The following LARP1 variants were observed in gnomAD, a reference collection of about 807,000 sequenced individuals.
LARP1 encodes La ribonucleoprotein 1, translational regulator.
A neutral mutation model predicts 122.7 loss-of-function variants in LARP1; 36 were observed. That is an observed-to-expected ratio of 0.29 (90% CI 0.22 to 0.39). The LOEUF is 0.39. LARP1 is among the 10% of genes least tolerant of loss of function. LARP1 has a pLI of 1.00. For missense variants in LARP1, 1,040 were observed against 1,403.6 expected, an observed-to-expected ratio of 0.74 and a Z score of 4.14; for synonymous variants, 539 against 528.7, an observed-to-expected ratio of 1.02 and a Z score of -0.27.
chr5:154,798,501 A>G (rs1245354146), intron 8 of LARP1, among the ~76,000 whole-genome samples: 1 of 152,128 alleles, frequency 6.6e-6, no homozygotes, highest in African/African-American at 2.4e-5. Flanking sequence ...TGTTTTTTCA[A>G]CTGCTGCTCC....
intron 1 of LARP1, among the ~76,000 whole-genome samples, chr5:154,725,852 T>C (rs116764959): frequency 0.031 from 4,682 of 152,186 alleles, 108 homozygotes; most frequent in Non-Finnish European, 0.045. Context: ...TCTTCTTCTT[T>C]TTTTTTGAGT....
intron 1 of LARP1, among the ~76,000 whole-genome samples, chr5:154,772,628 T>C (rs1441526426): frequency 6.6e-6 from 1 of 152,238 alleles, no homozygotes; most frequent in African/African-American, 2.4e-5. Context: ...ATACAACAAT[T>C]ATAACAATAT....
chr5:154,741,486 T>C (rs895754229), intron 1 of LARP1, among the ~76,000 whole-genome samples: 3 of 151,978 alleles, frequency 2.0e-5, no homozygotes, highest in African/African-American at 7.3e-5. Context: ...ATGGAGAACA[T>C]GGAGTATTTC....
intron 1 of LARP1, among the ~76,000 whole-genome samples, chr5:154,781,086 GT>G (rs1756384664): frequency 6.6e-6 from 1 of 151,898 alleles, no homozygotes; most frequent in Non-Finnish European, 1.5e-5. Context: ...AAAAAAATGA[GT>G]TTGTGTTACC....
upstream of LARP1, among the ~76,000 whole-genome samples, chr5:154,711,610 G>A (rs1302692464): frequency 6.6e-6 from 1 of 152,100 alleles, no homozygotes; most frequent in Non-Finnish European, 1.5e-5. Flanking sequence ...TTCTACATGA[G>A]GATAAAGAAA....
intron 1 of LARP1, among the ~76,000 whole-genome samples, chr5:154,732,883 T>C (rs1473467157): frequency 6.6e-6 from 1 of 152,198 alleles, no homozygotes; most frequent in Admixed American, 6.5e-5. Flanking sequence ...AATTATATCA[T>C]TAAAATTACC....
chr5:154,814,272 G>T lies in LARP1; in HGVS notation c.*176G>T. The T allele has an allele frequency of 5.0e-6, 3 of 605,574 alleles. No homozygotes were observed. Among genetic ancestry groups the T allele is most frequent in the Non-Finnish European group, 8.7e-6 (3 of 344,068 alleles). The allele number at this position is 605,574 out of a possible 1,614,324, so 37.5% of individuals were successfully genotyped here. ...TTTGGGCTATCAGAGGTACCCCTGG[G>T]CAGGAGCCTCTACATCCCCTTCCCC... On this transcript the variant is annotated 3_prime_UTR_variant, in exon 19 of 19. Transcript: ENST00000518297.
At chr5:154,719,003 C>A (rs1042945560) in intron 1 of LARP1, among the ~76,000 whole-genome samples, 2 of 152,140 alleles carry the variant, frequency 1.3e-5, no homozygotes, top group Non-Finnish European at 2.9e-5. Context: ...TCTCTCTTGA[C>A]CTTGAAGCCA....
chr5:154,738,325 C>T (rs927853502), intron 1 of LARP1, among the ~76,000 whole-genome samples: 2 of 152,156 alleles, frequency 1.3e-5, no homozygotes, highest in Admixed American at 6.6e-5. Context: ...AAGCCAGGTG[C>T]GGTGGCTCAT....
At chr5:154,801,076 T>C (rs1404549899) in intron 10 of LARP1, among the ~76,000 whole-genome samples, 2 of 152,208 alleles carry the variant, frequency 1.3e-5, no homozygotes, top group Non-Finnish European at 2.9e-5. Flanking sequence ...TAAAAAAAGA[T>C]AGGTTTAGAG....
Position 154,814,266 on chromosome 5 carries a change from C to T in LARP1, c.*170C>T, listed in dbSNP as rs1256676702. On this transcript the variant is annotated 3_prime_UTR_variant, in exon 19 of 19. Coordinates refer to ENST00000518297, the MANE Select transcript of LARP1 (RefSeq NM_033551.3). ...ACACCATTTGGGCTATCAGAGGTAC[C>T]CCTGGGCAGGAGCCTCTACATCCCC... 2 of 633,902 alleles carry T rather than the reference C, an allele frequency of 3.2e-6. No homozygotes were observed. Among genetic ancestry groups the T allele is most frequent in the South Asian group, 2.2e-5 (1 of 45,282 alleles). 39.3% of individuals were successfully genotyped at this position (633,902 alleles called of 1,614,324 possible).
chr5:154,765,551 G>T (rs999998577), intron 1 of LARP1, among the ~76,000 whole-genome samples: 1 of 151,994 alleles, frequency 6.6e-6, no homozygotes, highest in Admixed American at 6.6e-5. Context: ...ACGTCACCAC[G>T]CCTGGCCAGT....
At position 154,773,790 on chromosome 5, in the gene LARP1, C is replaced by T. The variant is rs116668648; in HGVS notation, c.437-16535C>T. ...GTACCCTCAAGTCTACAGCCTACCC[C>T]GCTGATGGAAGCAGGCCAGCACTGG... On this transcript the variant is annotated intron_variant, in intron 1 of 18. Transcript: ENST00000518297. Among the ~76,000 whole-genome samples, 382 of 152,236 alleles carry T rather than the reference C, an allele frequency of 2.5e-3. 3 individuals carry two copies. Among genetic ancestry groups the T allele is most frequent in the African/African-American group, 8.6e-3 (356 of 41,528 alleles).
chr5:154,810,954 C>T (rs1324714973), intron 16 of LARP1, among the ~76,000 whole-genome samples: 1 of 152,168 alleles, frequency 6.6e-6, no homozygotes, highest in East Asian at 1.9e-4. Context: ...GTCGTAATTA[C>T]TCAACTCCGT....
Position 154,755,824 on chromosome 5 carries a change from G to A in LARP1, c.67G>A (p.Gly23Arg), listed in dbSNP as rs778690084. Residue 23 changes from glycine to arginine, a missense_variant, in exon 1 of 19, where the codon GGG (glycine) becomes AGG (arginine). Gly to Arg is a moderately radical substitution (Grantham distance 125, BLOSUM62 -2). Around this residue, in one of 8 missense-constraint regions of LARP1, gnomAD observed 257 missense variants for 273.3 expected, o/e 0.94. Coordinates refer to ENST00000518297, the MANE Select transcript of LARP1 (RefSeq NM_033551.3). ...GCTCTTGCAGGCCGAAGAGCACGGG[G>A]GGCTGGTGAGGAAGAAGCCGCCGCC... is the stretch of plus-strand genomic sequence containing the variant. Reference protein sequence around the residue: ...ATLLQAEEHGGLVRKKPPPAP... With the variant: ...ATLLQAEEHGRLVRKKPPPAP... 1.3e-5 allele frequency: 13 copies of A among 1,001,576 alleles called. No individual in the cohort carries two copies. The highest frequency in any genetic ancestry group is 1.1e-4 in the East Asian group (1 of 8,988). 62.0% of individuals were successfully genotyped at this position (1,001,576 alleles called of 1,614,324 possible). A position where few individuals can be genotyped will look rare whatever the true frequency, so the allele number is the denominator to read the frequency against.
At chr5:154,772,836 T>C (rs1755552472) in intron 1 of LARP1, among the ~76,000 whole-genome samples, 1 of 152,134 alleles carries the variant, frequency 6.6e-6, no homozygotes, top group Admixed American at 6.5e-5. Context: ...TATAGGCATG[T>C]GCTGCCACAC....
At chr5:154,737,318 G>T (rs1213648041) in intron 1 of LARP1, among the ~76,000 whole-genome samples, 3 of 152,028 alleles carry the variant, frequency 2.0e-5, no homozygotes, top group Non-Finnish European at 4.4e-5. Context: ...TGGGATTACA[G>T]GTGTGAGCCA....
At chr5:154,793,757 G>C in intron 5 of LARP1, 34 bp downstream of exon 5, 1 of 1,614,110 alleles carries the variant, frequency 6.2e-7, no homozygotes, top group Non-Finnish European at 8.5e-7. Context: ...GCCTGGACTT[G>C]GGAGACACCC....
At chr5:154,768,362 C>T (rs542327120) in intron 1 of LARP1, among the ~76,000 whole-genome samples, 1 of 152,112 alleles carries the variant, frequency 6.6e-6, no homozygotes, top group Non-Finnish European at 1.5e-5. Flanking sequence ...AGACACATTG[C>T]GGCCATGGTG....
Sources: allele counts gnomAD v4.1 joint callset (sites outside exome capture counted in the v4.1 genomes callset), GRCh38; gene constraint gnomAD v4.1.1; regional missense constraint gnomAD v4.1.1; transcripts MANE v1.5; gene names NCBI Gene and HGNC (gene_info 2026-07-23, HGNC 2026-07-21).